The following SFI1 variants were observed in gnomAD, a reference collection of about 807,000 sequenced individuals.
SFI1 encodes protein SFI1 homolog.
A neutral mutation model predicts 207.5 loss-of-function variants in SFI1; 195 were observed. The ratio of observed to expected loss-of-function variants is 0.94; its 90% CI spans 0.84 to 1.06. SFI1 has a LOEUF of 1.06. Among genes scored for constraint, SFI1 ranks in the 50% least tolerant of loss-of-function variants. The pLI, the probability that SFI1 is intolerant of heterozygous loss-of-function variation, is 0.00. For missense variants in SFI1, 1,634 were observed against 1,588.0 expected (o/e 1.03, Z -0.49); for synonymous variants, 630 against 598.9 (o/e 1.05, Z -0.76).
At chr22:31,514,430 C>T (rs143642341) in intron 2 of SFI1, among the ~76,000 whole-genome samples, 1,588 of 145,838 alleles carry the variant, frequency 0.011, 22 homozygotes, top group Non-Finnish European at 0.015. Flanking sequence ...ATGGCGTGGA[C>T]CTAGGAGGTG....
intron 7 of SFI1, among the ~76,000 whole-genome samples, chr22:31,558,885 T>G (rs1156721000): frequency 6.6e-6 from 1 of 152,166 alleles, no homozygotes; most frequent in African/African-American, 2.4e-5. Flanking sequence ...GGCACAATCT[T>G]GGCTGACTGC....
chr22:31,498,546 G>T (rs565845176), intron 1 of SFI1, among the ~76,000 whole-genome samples: 1 of 151,400 alleles, frequency 6.6e-6, no homozygotes, highest in Non-Finnish European at 1.5e-5. Context: ...AGTTACTCAG[G>T]AGGCTGAGGC....
At chr22:31,588,894 T>C (rs903122583) in intron 14 of SFI1, among the ~76,000 whole-genome samples, 3 of 151,954 alleles carry the variant, frequency 2.0e-5, no homozygotes, top group African/African-American at 7.2e-5. Context: ...CCCCCAAAGT[T>C]TTGGATCATG....
chr22:31,618,477 G>A lies in SFI1; in HGVS notation c.*59G>A. Reference sequence around the variant, plus strand: ...TCGGGGAGGCCTCAGGCCACCTCCAGGAACAGAACACAGTTTTAAGTTTGA... The same window carrying A: ...TCGGGGAGGCCTCAGGCCACCTCCAAGAACAGAACACAGTTTTAAGTTTGA... On this transcript the variant is annotated 3_prime_UTR_variant, in exon 33 of 33. Transcript: ENST00000400288. 7.0e-7 allele frequency: 1 copy of A among 1,420,500 alleles called. No individual in the cohort carries two copies. The highest frequency in any genetic ancestry group is 9.3e-7 in the Non-Finnish European group (1 of 1,074,914). The allele number at this position is 1,420,500 out of a possible 1,614,324, so 88.0% of individuals were successfully genotyped here.
At chr22:31,571,099 A>G (rs574374264) in intron 8 of SFI1, among the ~76,000 whole-genome samples, 1 of 152,324 alleles carries the variant, frequency 6.6e-6, no homozygotes, top group East Asian at 1.9e-4. Context: ...AGAAAGAACC[A>G]AAGTGTTAGC....
chr22:31,513,557 T>TTTTTGTTTTG (rs1555942718), intron 2 of SFI1, among the ~76,000 whole-genome samples: 2 of 50,134 alleles, frequency 4.0e-5, no homozygotes, highest in Non-Finnish European at 8.5e-5. Context: ...GCACTTTGGT[T>TTTTTGTTTTG]TTTCGTTTTG....
chr22:31,560,267 AAAAC>A (rs1336280793), intron 7 of SFI1, among the ~76,000 whole-genome samples: 4 of 152,136 alleles, frequency 2.6e-5, no homozygotes, highest in African/African-American at 9.7e-5. Context: ...TAGGAAAAAA[AAAAC>A]AAGACTGAAA....
chr22:31,569,154 A>G (rs2062697471), intron 8 of SFI1, among the ~76,000 whole-genome samples: 1 of 152,286 alleles, frequency 6.6e-6, no homozygotes, highest in East Asian at 1.9e-4. Flanking sequence ...TGCTGAAGGA[A>G]TACTAGAACT....
At chr22:31,517,878 C>G (rs1415801167) in intron 2 of SFI1, among the ~76,000 whole-genome samples, 3 of 152,168 alleles carry the variant, frequency 2.0e-5, no homozygotes, top group Non-Finnish European at 4.4e-5. Context: ...GACTGCTTAT[C>G]TAGTACTTTT....
intron 1 of SFI1, among the ~76,000 whole-genome samples, chr22:31,501,421 C>T (rs549062925): frequency 5.3e-5 from 8 of 150,622 alleles, no homozygotes; most frequent in South Asian, 4.2e-4. Context: ...CCGCCCATCT[C>T]GGCCTCCCAA....
At chr22:31,612,167 A>G (rs2070279272) in intron 24 of SFI1, 2 of 678,496 alleles carry the variant, frequency 2.9e-6, no homozygotes, top group African/African-American at 2.0e-5. Flanking sequence ...TCATGAGGTC[A>G]GGAGATCGAG....
At chr22:31,517,682 A>G (rs1382753408) in intron 2 of SFI1, among the ~76,000 whole-genome samples, 1 of 151,984 alleles carries the variant, frequency 6.6e-6, no homozygotes, top group Non-Finnish European at 1.5e-5. Flanking sequence ...TGGGTATGTA[A>G]TTGTCCTAGC....
At chr22:31,520,197 G>T (rs939887604) in intron 2 of SFI1, among the ~76,000 whole-genome samples, 5 of 148,620 alleles carry the variant, frequency 3.4e-5, no homozygotes, top group Non-Finnish European at 7.4e-5. Context: ...AAAAAGATAA[G>T]ACCTTGGCAG....
chr22:31,573,020 G>GCCTCTC, intron 8 of SFI1, 38 bp from the exon 9 acceptor site: 1 of 1,600,500 alleles, frequency 6.2e-7, no homozygotes, highest in Non-Finnish European at 8.5e-7. Flanking sequence ...CTGTTTTCCT[G>GCCTCTC]CCTCTCCTTT....
At chr22:31,514,755 G>A (rs1292295006) in intron 2 of SFI1, among the ~76,000 whole-genome samples, 4 of 151,114 alleles carry the variant, frequency 2.6e-5, no homozygotes, top group Non-Finnish European at 5.9e-5. Flanking sequence ...TCATGTTGTC[G>A]AAAACGACAG....
At chr22:31,583,840 C>G (rs1256502817) in intron 12 of SFI1, 35 bp from the exon 13 acceptor site, 2 of 1,567,412 alleles carry the variant, frequency 1.3e-6, no homozygotes, top group African/African-American at 2.7e-5. Flanking sequence ...CCTTTCATCT[C>G]AGTACATTTC....
chr22:31,584,970 G>A, intron 13 of SFI1, 98 bp from the exon 14 acceptor site: 2 of 863,624 alleles, frequency 2.3e-6, no homozygotes, highest in South Asian at 1.6e-5. Context: ...CCCATGGGGT[G>A]CCTTTAACTC....
At chr22:31,507,334 C>T (rs2054788549) in intron 1 of SFI1, among the ~76,000 whole-genome samples, 1 of 152,116 alleles carries the variant, frequency 6.6e-6, no homozygotes, top group South Asian at 2.1e-4. Flanking sequence ...CCCTTCTTTA[C>T]ACCATATATA....
chr22:31,553,838 GTTTTTTTTTTT>G (rs58333559), intron 6 of SFI1, among the ~76,000 whole-genome samples: 32 of 26,304 alleles, frequency 1.2e-3, no homozygotes, highest in South Asian at 1.9e-3. Context: ...AATGGATTAT[GTTTTTTTTTTT>G]TTTTTTTTTT....
Sources: allele counts gnomAD v4.1 joint callset (sites outside exome capture counted in the v4.1 genomes callset), GRCh38; gene constraint gnomAD v4.1.1; transcripts MANE v1.5; gene names NCBI Gene and HGNC (gene_info 2026-07-23, HGNC 2026-07-21).